Variants in VAMP3 observed in about 807,000 individuals in gnomAD.
VAMP3 encodes the protein vesicle-associated membrane protein 3.
Under a neutral mutation model 18.1 loss-of-function variants are expected in VAMP3, and 11 were observed. The observed-to-expected ratio is 0.61, with a 90% confidence interval of 0.38 to 1.00. The LOEUF (loss-of-function observed/expected upper bound fraction) is 1.00. VAMP3 is among the 50% of genes least tolerant of loss of function. The pLI, the probability that VAMP3 is intolerant of heterozygous loss-of-function variation, is 0.01. For synonymous variants in VAMP3, 49 were observed against 43.1 expected (o/e 1.14, Z -0.53); for missense variants, 122 against 127.3 (o/e 0.96, Z 0.20).
At chr1:7,774,305 G>A (rs115689935) in intron 2 of VAMP3, among the ~76,000 whole-genome samples, 131 of 152,114 alleles carry the variant, frequency 8.6e-4, no homozygotes, top group African/African-American at 3.0e-3. Context: ...GAAACCCATT[G>A]TAATTCTGTC....
intron 2 of VAMP3, among the ~76,000 whole-genome samples, chr1:7,775,143 A>C (rs1302683592): frequency 6.6e-6 from 1 of 152,190 alleles, no homozygotes; most frequent in African/African-American, 2.4e-5. Context: ...AGTGATGTTA[A>C]GCATCTTTTC....
chr1:7,774,044 GC>G (rs1294929488), intron 2 of VAMP3, among the ~76,000 whole-genome samples: 32 of 152,218 alleles, frequency 2.1e-4, no homozygotes, highest in African/African-American at 7.5e-4. Flanking sequence ...GAATTCTTGA[GC>G]TAGAGGACCT....
chr1:7,774,649 A>G (rs1179516196), intron 2 of VAMP3, among the ~76,000 whole-genome samples: 2 of 152,216 alleles, frequency 1.3e-5, no homozygotes, highest in East Asian at 1.9e-4. Context: ...TATAAAAGGA[A>G]TCATACAATG....
At position 7,774,072 on chromosome 1, in the gene VAMP3, G is replaced by A. The variant is rs899987799; in HGVS notation, c.72+561G>A. On this transcript the variant is annotated intron_variant, in intron 2 of 4. Transcript: ENST00000054666. ...AGAGGACCTCCATCTTTTGTTCTGC[G>A]CCGTATGTGGAGAACCACAGCAGAA... Among the ~76,000 whole-genome samples the A allele has an allele frequency of 5.3e-5, 8 of 152,232 alleles. 1 individual carries two copies. Among genetic ancestry groups the A allele is most frequent in the South Asian group, 4.1e-4 (2 of 4,828 alleles).
intron 4 of VAMP3, 34 bp downstream of exon 4, chr1:7,778,203 T>C (rs75457749): frequency 0.05 from 80,193 of 1,606,556 alleles, 2,806 homozygotes; most frequent in South Asian, 0.14. Flanking sequence ...ATTGGAAAAG[T>C]CTTCTCCATG....
chr1:7,775,389 C>T (rs1228379512), intron 2 of VAMP3, among the ~76,000 whole-genome samples: 2 of 151,444 alleles, frequency 1.3e-5, no homozygotes, highest in African/African-American at 4.9e-5. Flanking sequence ...GCTCTGTTGC[C>T]GAGGCTGGAG....
intron 1 of VAMP3, 72 bp downstream of exon 1, chr1:7,771,457 G>A: frequency 7.0e-7 from 1 of 1,428,306 alleles, no homozygotes; most frequent in African/African-American, 1.5e-5. Context: ...CCGCCATACT[G>A]CCCAGTTGCC....
chr1:7,771,525 G>A, intron 1 of VAMP3, 140 bp downstream of exon 1: 1 of 1,141,694 alleles, frequency 8.8e-7, no homozygotes, highest in South Asian at 2.1e-5. Context: ...GCCTGGGGGT[G>A]GGCGGTGGCC....
rs185651139 is a variant in VAMP3 at position 7,779,303 on chromosome 1, C to T, written c.284-323C>T. Among the ~76,000 whole-genome samples, 267 of 152,244 alleles carry T rather than the reference C, an allele frequency of 1.8e-3. 1 individual carries two copies. The highest frequency in any genetic ancestry group is 6.1e-3 in the African/African-American group (254 of 41,532). ...ATATATATGTATACACAAACACACA[C>T]ACAACTATTATTATATAATATTCAA... is the stretch of plus-strand genomic sequence containing the variant. On this transcript the variant is annotated intron_variant, in intron 4 of 4. Transcript: ENST00000054666.
In VAMP3 at chr1:7,778,151, TTCA is replaced by T. The variant is rs752706951; in HGVS notation, c.280_282del (p.Ile94del). On this transcript the variant is annotated inframe_deletion, in exon 4 of 5. Transcript: ENST00000054666. ...AATCGGGATTACTGTTCTGGTTATC[TTCA>T]TCATCATCATCATCGGTGAGTTACC... The T allele has an allele frequency of 2.0e-5, 32 of 1,612,596 alleles. 1 individual carries two copies. The highest frequency in any genetic ancestry group is 7.7e-5 in the South Asian group (7 of 91,008).
chr1:7,778,145 G>T lies in VAMP3; in HGVS notation c.259G>T (p.Val87Phe), dbSNP rs2097055228. 6.2e-7 allele frequency: 1 copy of T among 1,614,036 alleles called. No individual in the cohort carries two copies. The highest frequency in any genetic ancestry group is 8.5e-7 in the Non-Finnish European group (1 of 1,180,048). ...GTGGGCAATCGGGATTACTGTTCTGGTTATCTTCATCATCATCATCATCGG... is the reference window on the plus strand; with the variant it reads ...GTGGGCAATCGGGATTACTGTTCTGTTTATCTTCATCATCATCATCATCGG... ...KMWAIGITVL[V>F]IFIIIIIVWV... Residue 87 changes from valine (V) to phenylalanine (F), a missense_variant, in exon 4 of 5, where the codon GTT (valine) becomes TTT (phenylalanine). By Grantham distance (50) the Val-to-Phe change is conservative. Transcript: ENST00000054666.
intron 4 of VAMP3, 49 bp from the exon 5 acceptor site, chr1:7,779,577 G>A: frequency 1.2e-6 from 2 of 1,613,796 alleles, no homozygotes; most frequent in African/African-American, 1.3e-5. Context: ...CACACTGAGA[G>A]ACTAACCTGC....
chr1:7,774,100 T>C (rs1027050183), intron 2 of VAMP3, among the ~76,000 whole-genome samples: 2 of 152,204 alleles, frequency 1.3e-5, no homozygotes, highest in Admixed American at 6.5e-5. Flanking sequence ...CAGCAGAAGA[T>C]TGAGAAATTC....
intron 2 of VAMP3, among the ~76,000 whole-genome samples, chr1:7,775,072 A>C (rs1257455036): frequency 6.6e-6 from 1 of 152,128 alleles, no homozygotes; most frequent in Non-Finnish European, 1.5e-5. Flanking sequence ...CTTGTTTTCC[A>C]TTTTGATTAT....
intron 4 of VAMP3, 27 bp from the exon 5 acceptor site, chr1:7,779,599 C>G: frequency 1.2e-6 from 2 of 1,614,112 alleles, no homozygotes; most frequent in Non-Finnish European, 1.7e-6. Context: ...GTTTCCCCTG[C>G]CTTTTTGCAT....
At chr1:7,778,014 C>T (rs940895437) in intron 3 of VAMP3, 104 bp from the exon 4 acceptor site, 1 of 1,272,320 alleles carries the variant, frequency 7.9e-7, no homozygotes, top group Non-Finnish European at 1.1e-6. Context: ...ACTGTATGCA[C>T]CTGAATTTCC....
intron 4 of VAMP3, among the ~76,000 whole-genome samples, chr1:7,779,364 AC>A (rs1370006114): frequency 1.3e-5 from 2 of 152,326 alleles, no homozygotes; most frequent in African/African-American, 4.8e-5. Flanking sequence ...GTATATGAGA[AC>A]CGAAACATGA....
chr1:7,771,296 G>A lies in VAMP3; in HGVS notation c.-88G>A. 1 of 1,485,004 alleles carries A rather than the reference G, an allele frequency of 6.7e-7. No individual in the cohort carries two copies. The highest frequency in any genetic ancestry group is 1.8e-4 in the Middle Eastern group (1 of 5,586). The allele number at this position is 1,485,004 out of a possible 1,614,324, so 92.0% of individuals were successfully genotyped here. On this transcript the variant is annotated 5_prime_UTR_variant, in exon 1 of 5. Coordinates refer to ENST00000054666, the MANE Select transcript of VAMP3 (RefSeq NM_004781.4). ...TGACGTCTTTGCCCCGCGCCGCGCC[G>A]TCCCACCCATCTCCCTGGCCTCCGG...
At position 7,780,577 on chromosome 1, in the gene VAMP3, C is replaced by T. The variant is rs1238506648; in HGVS notation, c.*932C>T. On this transcript the variant is annotated 3_prime_UTR_variant, in exon 5 of 5. Coordinates refer to ENST00000054666, the MANE Select transcript of VAMP3 (RefSeq NM_004781.4). ...CTGACCGTCTCATAAAAGAGTTCTA[C>T]CCAGCAGTTGGCAGATTATCAGCTG... 6.6e-6 allele frequency: 1 copy of T among 152,328 alleles called. No individual in the cohort carries two copies. The highest frequency in any genetic ancestry group is 2.4e-5 in the African/African-American group (1 of 41,436). The allele number at this position is 152,328 out of a possible 1,614,324, so 9.4% of individuals were successfully genotyped here. A position where few individuals can be genotyped will look rare whatever the true frequency, so the allele number is the denominator to read the frequency against.
Sources: gnomAD v4.1 joint callset for allele counts (sites outside exome capture counted in the v4.1 genomes callset) on GRCh38, gnomAD v4.1.1 for gene constraint, MANE v1.5 for transcripts, NCBI Gene and HGNC (gene_info 2026-07-23, HGNC 2026-07-21) for gene names.